Variants in DTYMK observed in about 807,000 individuals in gnomAD.
DTYMK encodes the protein thymidylate kinase.
In DTYMK, 20 loss-of-function variants were observed where a neutral mutation model predicts 20.3. That is an observed-to-expected ratio of 0.99 (90% confidence interval 0.69 to 1.43). DTYMK has a LOEUF of 1.43. Ranked by LOEUF, DTYMK falls within the 40% of genes most tolerant of loss-of-function variation. The pLI is 0.00. For missense variants in DTYMK, 320 were observed against 291.1 expected, an observed-to-expected ratio of 1.10 and a Z score of -0.72; for synonymous variants, 148 against 124.4, an observed-to-expected ratio of 1.19 and a Z score of -1.27.
intron 1 of DTYMK, 90 bp from the exon 2 acceptor site, chr2:241,685,967 T>C (rs1357799205): frequency 3.0e-6 from 4 of 1,319,892 alleles, no homozygotes; most frequent in Non-Finnish European, 4.3e-6. Flanking sequence ...TCTCCCGGAC[T>C]CAAGTCTCAC....
chr2:241,676,858 G>A (rs1469066313), intron 4 of DTYMK, among the ~76,000 whole-genome samples: 1 of 152,254 alleles, frequency 6.6e-6, no homozygotes, highest in Non-Finnish European at 1.5e-5. Flanking sequence ...CCCTGCCCAC[G>A]CTCCTGTGGC....
intron 1 of DTYMK, 71 bp downstream of exon 1, chr2:241,686,583 G>C (rs1287911381): frequency 1.4e-6 from 2 of 1,411,072 alleles, no homozygotes; most frequent in African/African-American, 1.5e-5. Flanking sequence ...AGACAACGAA[G>C]CGGAGCAAAG....
chr2:241,685,662 G>A, intron 2 of DTYMK, 107 bp downstream of exon 2: 1 of 1,200,082 alleles, frequency 8.3e-7, no homozygotes, highest in Non-Finnish European at 1.2e-6. Flanking sequence ...AGAACATCAG[G>A]CCCAGCACTA....
intron 4 of DTYMK, 64 bp from the exon 5 acceptor site, chr2:241,676,301 A>T: frequency 6.8e-7 from 1 of 1,473,304 alleles, no homozygotes; most frequent in Non-Finnish European, 9.2e-7. Context: ...TGGTCACGGG[A>T]GCCCACGCCT....
At chr2:241,684,867 G>A in intron 2 of DTYMK, 2 of 398,598 alleles carry the variant, frequency 5.0e-6, no homozygotes, top group South Asian at 3.9e-5. Context: ...CATAAATAAT[G>A]GGGAAGGGGG....
chr2:241,676,494 G>T (rs1258375425), intron 4 of DTYMK, among the ~76,000 whole-genome samples: 1 of 152,208 alleles, frequency 6.6e-6, no homozygotes. Flanking sequence ...TGTCCTCTGT[G>T]CTCGTGGGGA....
rs1005929584 is a variant in DTYMK, at chr2:241,677,521, C to G, written c.528+931G>C. ...AGGAGCTCAAGGGACTGAAGCTCCG[C>G]GGGCCGTGGCCACAAGCGACAGTGC... On this transcript the variant is annotated intron_variant, in intron 4 of 4. Transcript: ENST00000305784. 6.6e-5 allele frequency among the ~76,000 whole-genome samples: 10 copies of G among 152,256 alleles called. No homozygotes were observed. The East Asian group carries it at 1.9e-3, about 29-fold the overall frequency.
At chr2:241,685,031 T>TA (rs113063977) in intron 2 of DTYMK, 2,210 of 144,888 alleles carry the variant, frequency 0.015, 20 homozygotes, top group East Asian at 0.037. Flanking sequence ...GACTCTACAT[T>TA]AAAAAAAAAA....
chr2:241,681,035 C>T (rs1356925565), intron 2 of DTYMK, among the ~76,000 whole-genome samples: 1 of 152,166 alleles, frequency 6.6e-6, no homozygotes, highest in Non-Finnish European at 1.5e-5. Context: ...GTGACTCATC[C>T]ATGCTCATGA....
At chr2:241,680,056 T>C (rs540489922) in intron 3 of DTYMK, among the ~76,000 whole-genome samples, 173 bp downstream of exon 3, 2 of 151,086 alleles carry the variant, frequency 1.3e-5, no homozygotes, top group South Asian at 4.2e-4. Flanking sequence ...GCTACATAAA[T>C]GTTTGCTCTT....
chr2:241,676,084 C>G lies in DTYMK; in HGVS notation c.*43G>C. Reference sequence around the variant, plus strand: ...GGCCTTCCGCGAGTCTCCCACCTCTCGGGGGACTGCAGGGAGAGGCGTCTC... The same window carrying G: ...GGCCTTCCGCGAGTCTCCCACCTCTGGGGGGACTGCAGGGAGAGGCGTCTC... On this transcript the variant is annotated 3_prime_UTR_variant, in exon 5 of 5. Transcript: ENST00000305784. 1 of 1,561,498 alleles carries G rather than the reference C, an allele frequency of 6.4e-7. No individual in the cohort carries two copies. Among genetic ancestry groups the G allele is most frequent in the Non-Finnish European group, 8.7e-7 (1 of 1,148,178 alleles).
chr2:241,686,611 A>G, intron 1 of DTYMK, 43 bp downstream of exon 1: 1 of 1,464,220 alleles, frequency 6.8e-7, no homozygotes. Flanking sequence ...GGGAAGGCAG[A>G]GGCACCGAAG....
intron 2 of DTYMK, chr2:241,684,681 A>C (rs1256645101): frequency 6.5e-6 from 3 of 459,574 alleles, no homozygotes; most frequent in Non-Finnish European, 1.3e-5. Flanking sequence ...CTACATATGT[A>C]TATAAATGTA....
intron 2 of DTYMK, among the ~76,000 whole-genome samples, chr2:241,683,609 A>G (rs1331299880): frequency 6.6e-6 from 1 of 152,194 alleles, no homozygotes; most frequent in Non-Finnish European, 1.5e-5. Context: ...GCATTTACCC[A>G]AAAGAAGTGA....
At chr2:241,680,359 T>C (rs752304259) in intron 2 of DTYMK, 40 bp from the exon 3 acceptor site, 22 of 1,608,070 alleles carry the variant, frequency 1.4e-5, no homozygotes, top group East Asian at 4.5e-5. Context: ...TCCTGTTTCA[T>C]AGGCCTTGAA....
chr2:241,677,997 C>T (rs112405162), intron 4 of DTYMK, among the ~76,000 whole-genome samples: 1 of 152,068 alleles, frequency 6.6e-6, no homozygotes, highest in East Asian at 1.9e-4. Context: ...TGGCACTGGC[C>T]GGGCGCGATG....
chr2:241,686,813 C>T lies in DTYMK; in HGVS notation c.-30G>A. On this transcript the variant is annotated 5_prime_UTR_variant, in exon 1 of 5. Coordinates refer to ENST00000305784, the MANE Select transcript of DTYMK (RefSeq NM_012145.4). Reference sequence around the variant, plus strand: ...GTCCACCGCCCGCCGCTGGCGTCTCCACGCAGCCTTCCGGAGCTCCCATTG... The same window carrying T: ...GTCCACCGCCCGCCGCTGGCGTCTCTACGCAGCCTTCCGGAGCTCCCATTG... The T allele has an allele frequency of 7.0e-7, 1 of 1,432,712 alleles. No homozygotes were observed. The allele number at this position is 1,432,712 out of a possible 1,614,324, so 88.7% of individuals were successfully genotyped here.
rs369466669 is a variant in DTYMK at position 241,678,274 on chromosome 2, CA to C, written c.528+177del. Among the ~76,000 whole-genome samples, 226 of 147,288 alleles carry C rather than the reference CA, an allele frequency of 1.5e-3. 2 individuals are homozygous for C. Among genetic ancestry groups the C allele is most frequent in the African/African-American group, 5.3e-3 (212 of 40,170 alleles). ...TGGCACCCAGAGCAAGATTCTGTCT[CA>C]AAAAAAAAAGAATTTGCTGGCACCG... On this transcript the variant is annotated intron_variant, in intron 4 of 4. Coordinates refer to ENST00000305784, the MANE Select transcript of DTYMK (RefSeq NM_012145.4).
chr2:241,677,867 G>C (rs2069151677), intron 4 of DTYMK, among the ~76,000 whole-genome samples: 1 of 152,256 alleles, frequency 6.6e-6, no homozygotes, highest in Admixed American at 6.5e-5. Flanking sequence ...GCAGGAACAG[G>C]CTGGCGCTCG....
Sources: gnomAD v4.1 joint callset for allele counts (sites outside exome capture counted in the v4.1 genomes callset) on GRCh38, gnomAD v4.1.1 for gene constraint, MANE v1.5 for transcripts, NCBI Gene and HGNC (gene_info 2026-07-23, HGNC 2026-07-21) for gene names.